Variants in FHOD3 observed in about 807,000 individuals in gnomAD.
The protein encoded by FHOD3 is FH1/FH2 domain-containing protein 3.
Under a neutral mutation model 173.0 loss-of-function variants are expected in FHOD3, and 90 were observed. The ratio of observed to expected loss-of-function variants is 0.52; its 90% CI spans 0.44 to 0.62. The LOEUF (loss-of-function observed/expected upper bound fraction) is 0.62, where lower values mean the gene tolerates loss of function less well. FHOD3 is among the 20% of genes least tolerant of loss of function. The probability of loss-of-function intolerance (pLI) is 0.00; values close to 1 mark genes in which losing one functional copy is unlikely to be tolerated. For synonymous variants in FHOD3, 828 were observed against 823.0 expected, an observed-to-expected ratio of 1.01 and a Z score of -0.10; for missense variants, 1,945 against 2,034.7, an observed-to-expected ratio of 0.96 and a Z score of 0.85.
intron 6 of FHOD3, among the ~76,000 whole-genome samples, chr18:36,594,452 C>T (rs1037505206): frequency 1.2e-4 from 18 of 152,066 alleles, no homozygotes; most frequent in African/African-American, 3.9e-4. Flanking sequence ...AAAACGAAGA[C>T]GTAATCGATT....
chr18:36,524,512 C>A (rs1464083830), intron 5 of FHOD3, among the ~76,000 whole-genome samples: 1 of 152,084 alleles, frequency 6.6e-6, no homozygotes, highest in African/African-American at 2.4e-5. Context: ...ACTCATTGAT[C>A]AAACCAAAGC....
At chr18:36,563,923 C>A (rs1252164556) in intron 5 of FHOD3, among the ~76,000 whole-genome samples, 2 of 152,110 alleles carry the variant, frequency 1.3e-5, no homozygotes, top group Non-Finnish European at 2.9e-5. Context: ...GGCTTAATTA[C>A]TCGTCTCTAC....
chr18:36,709,451 G>A, intron 18 of FHOD3, 60 bp downstream of exon 18: 1 of 1,537,824 alleles, frequency 6.5e-7, no homozygotes. Context: ...TGCAGGGGCT[G>A]GTTCTCTAAG....
At chr18:36,777,326 C>T (rs368482790) in intron 28 of FHOD3, among the ~76,000 whole-genome samples, 105 of 151,828 alleles carry the variant, frequency 6.9e-4, no homozygotes, top group African/African-American at 1.9e-3. Flanking sequence ...ATCAGCTTCC[C>T]GAGTAGCTGG....
At chr18:36,740,201 T>A (rs1427734106) in intron 20 of FHOD3, among the ~76,000 whole-genome samples, 1 of 152,240 alleles carries the variant, frequency 6.6e-6, no homozygotes, top group Non-Finnish European at 1.5e-5. Context: ...GACTTAAGTT[T>A]AGTATTACTT....
At chr18:36,364,775 C>T (rs752416874) in intron 2 of FHOD3, among the ~76,000 whole-genome samples, 4 of 152,178 alleles carry the variant, frequency 2.6e-5, no homozygotes, top group Non-Finnish European at 5.9e-5. Context: ...TCTGCCTCCG[C>T]AAGAAGAGAG....
intron 21 of FHOD3, 46 bp downstream of exon 21, chr18:36,740,884 T>C (rs753930028): frequency 6.4e-7 from 1 of 1,561,736 alleles, no homozygotes; most frequent in Non-Finnish European, 8.7e-7. Context: ...TCCACAGTGT[T>C]GAGAAAGGCA....
intron 1 of FHOD3, among the ~76,000 whole-genome samples, chr18:36,314,345 A>C (rs565484776): frequency 7.2e-5 from 11 of 152,222 alleles, no homozygotes; most frequent in Non-Finnish European, 1.6e-4. Context: ...ATGGGATACA[A>C]ATCACCAGCC....
intron 3 of FHOD3, among the ~76,000 whole-genome samples, chr18:36,473,260 A>G (rs529684257): frequency 1.3e-5 from 2 of 152,304 alleles, no homozygotes; most frequent in East Asian, 1.9e-4. Context: ...CTAAAAATAC[A>G]AAAATTAGCT....
At chr18:36,562,323 A>C (rs1012599135) in intron 5 of FHOD3, among the ~76,000 whole-genome samples, 1 of 152,158 alleles carries the variant, frequency 6.6e-6, no homozygotes, top group South Asian at 2.1e-4. Flanking sequence ...GGCCATGACA[A>C]CTACACTGGA....
chr18:36,419,785 G>C (rs1026103110), intron 3 of FHOD3, among the ~76,000 whole-genome samples: 5 of 152,184 alleles, frequency 3.3e-5, no homozygotes, highest in African/African-American at 9.6e-5. Context: ...CATGTGGCCA[G>C]GGAGGAACAC....
chr18:36,366,816 T>C (rs2046920968), intron 2 of FHOD3, among the ~76,000 whole-genome samples: 1 of 152,206 alleles, frequency 6.6e-6, no homozygotes, highest in African/African-American at 2.4e-5. Flanking sequence ...TTTTTACTCC[T>C]GGGGCAACTG....
chr18:36,372,187 C>T (rs1278666648), intron 2 of FHOD3, among the ~76,000 whole-genome samples: 1 of 152,142 alleles, frequency 6.6e-6, no homozygotes, highest in South Asian at 2.1e-4. Flanking sequence ...TCCCATTTTC[C>T]TGTAAAAGTA....
At chr18:36,616,817 A>C (rs992060710) in intron 9 of FHOD3, among the ~76,000 whole-genome samples, 1 of 152,236 alleles carries the variant, frequency 6.6e-6, no homozygotes, top group Non-Finnish European at 1.5e-5. Flanking sequence ...CTAATCAGAG[A>C]TCTTTCCCAG....
intron 4 of FHOD3, among the ~76,000 whole-genome samples, chr18:36,505,626 A>G (rs1207044308): frequency 6.6e-6 from 1 of 152,226 alleles, no homozygotes; most frequent in Non-Finnish European, 1.5e-5. Context: ...AAGACACAAC[A>G]TTAAATTTTT....
intron 1 of FHOD3, among the ~76,000 whole-genome samples, chr18:36,322,118 G>A (rs1392551012): frequency 6.6e-6 from 1 of 152,194 alleles, no homozygotes; most frequent in Non-Finnish European, 1.5e-5. Context: ...CTGAGGTGGA[G>A]GGTGGGTTGG....
intron 3 of FHOD3, among the ~76,000 whole-genome samples, chr18:36,411,918 C>T (rs1031063301): frequency 7.2e-5 from 11 of 152,370 alleles, no homozygotes; most frequent in African/African-American, 2.2e-4. Flanking sequence ...CAAGCAATGG[C>T]GCCTCCCTTG....
intron 27 of FHOD3, among the ~76,000 whole-genome samples, chr18:36,761,311 C>T (rs1019254103): frequency 2.0e-5 from 3 of 152,152 alleles, no homozygotes; most frequent in Non-Finnish European, 4.4e-5. Context: ...TTCAAAATGG[C>T]GGCCAGATTC....
In FHOD3 at chr18:36,649,413, G is replaced by T. The variant is rs1307073000; in HGVS notation, c.1286+8G>T. ...CTGTCAGGGCAAGGACAGGTACCTA[G>T]GACTGGAGCCTCCCAAGCTCACACT... On this transcript the variant is annotated splice_region_variant and intron_variant, in intron 11 of 28. Transcript: ENST00000590592. 4 of 1,533,202 alleles carry T rather than the reference G, an allele frequency of 2.6e-6. No individual in the cohort carries two copies. In the African/African-American group the frequency reaches 5.5e-5, roughly 21 times the overall value. The allele number at this position is 1,533,202 out of a possible 1,614,324, so 95.0% of individuals were successfully genotyped here. A position where few individuals can be genotyped will look rare whatever the true frequency, so the allele number is the denominator to read the frequency against.
Sources: gnomAD v4.1 joint callset for allele counts (sites outside exome capture counted in the v4.1 genomes callset) on GRCh38, gnomAD v4.1.1 for gene constraint, MANE v1.5 for transcripts, NCBI Gene and HGNC (gene_info 2026-07-23, HGNC 2026-07-21) for gene names.